Variants in INPP4B observed in about 807,000 individuals in gnomAD.
The protein encoded by INPP4B is inositol polyphosphate 4-phosphatase type II.
Under a neutral mutation model 122.5 loss-of-function variants are expected in INPP4B, and 55 were observed. The observed-to-expected ratio is 0.45, with a 90% CI of 0.36 to 0.56. INPP4B has a LOEUF of 0.56. INPP4B is among the 20% of genes least tolerant of loss of function. The pLI, the probability that INPP4B is intolerant of heterozygous loss-of-function variation, is 0.00. For synonymous variants in INPP4B, 403 were observed against 388.7 expected (o/e 1.04, Z -0.43); for missense variants, 1,000 against 1,097.7 (o/e 0.91, Z 1.26).
In INPP4B at chr4:142,187,731, C is replaced by T. The variant is rs1279856435; in HGVS notation, c.1181+5356G>A. 2.6e-5 allele frequency among the ~76,000 whole-genome samples: 4 copies of T among 151,968 alleles called. No individual in the cohort carries two copies. The South Asian group carries it at 8.3e-4, about 32-fold the overall frequency. On this transcript the variant is annotated intron_variant, in intron 15 of 25. Transcript: ENST00000262992. ...ACTTTAGTCTCCCAAGTTTCTGGAA[C>T]TAAAGGCACATACTACCAAGCCTGA...
At chr4:142,119,310 G>T (rs1390472430) in intron 21 of INPP4B, among the ~76,000 whole-genome samples, 3 of 152,130 alleles carry the variant, frequency 2.0e-5, no homozygotes, top group Non-Finnish European at 4.4e-5. Context: ...GTACCCAAAG[G>T]ATTATAAAAC....
intron 17 of INPP4B, 133 bp from the exon 18 acceptor site, chr4:142,146,129 A>C: frequency 1.0e-6 from 1 of 967,950 alleles, no homozygotes; most frequent in East Asian, 2.5e-5. Context: ...CTAAATTCCC[A>C]TTAATTTGGT....
chr4:142,380,790 AAAAT>A (rs1026491841), intron 7 of INPP4B, among the ~76,000 whole-genome samples: 1 of 152,034 alleles, frequency 6.6e-6, no homozygotes. Flanking sequence ...AATGTAAACA[AAAAT>A]AAACATACCT....
intron 15 of INPP4B, among the ~76,000 whole-genome samples, chr4:142,183,909 A>AT (rs879799349): frequency 5.3e-5 from 8 of 151,372 alleles, no homozygotes; most frequent in African/African-American, 1.2e-4. Flanking sequence ...CTTCTTGTTG[A>AT]TTTTTTTTTC....
chr4:142,564,124 A>C (rs1731069322), intron 2 of INPP4B, among the ~76,000 whole-genome samples: 1 of 152,196 alleles, frequency 6.6e-6, no homozygotes, highest in African/African-American at 2.4e-5. Flanking sequence ...TTATTAACCC[A>C]TTTTGCTAAA....
chr4:142,486,897 T>C (rs911272749), intron 2 of INPP4B, among the ~76,000 whole-genome samples: 1 of 152,226 alleles, frequency 6.6e-6, no homozygotes. Flanking sequence ...GACCACTATA[T>C]ACAGGTCTCT....
chr4:142,733,545 T>C, intron 1 of INPP4B, among the ~76,000 whole-genome samples: 1 of 152,128 alleles, frequency 6.6e-6, no homozygotes, highest in Non-Finnish European at 1.5e-5. Context: ...TTTATTAGTC[T>C]TTTGGAATGC....
rs1163637334 is a variant in INPP4B at position 142,025,711 on chromosome 4, A to C, written c.*3071T>G. 1.3e-5 allele frequency: 2 copies of C among 152,230 alleles called. No homozygotes were observed. Among genetic ancestry groups the C allele is most frequent in the Non-Finnish European group, 2.9e-5 (2 of 68,046 alleles). 9.4% of individuals were successfully genotyped at this position (152,230 alleles called of 1,614,324 possible). A position where few individuals can be genotyped will look rare whatever the true frequency, so the allele number is the denominator to read the frequency against. ...TCCTCCATCCAAATGCTAGCTTTTA[A>C]GCCTTCAGAGTTTTTCAGAAGAGGG... On this transcript the variant is annotated 3_prime_UTR_variant, in exon 26 of 26. Transcript: ENST00000262992.
At chr4:142,181,487 G>A (rs1478997891) in intron 15 of INPP4B, among the ~76,000 whole-genome samples, 6 of 152,094 alleles carry the variant, frequency 3.9e-5, no homozygotes, top group African/African-American at 1.4e-4. Flanking sequence ...TCACTGATAT[G>A]TCTAGATTGA....
chr4:142,122,449 T>C (rs1796942598), intron 20 of INPP4B, among the ~76,000 whole-genome samples: 1 of 152,116 alleles, frequency 6.6e-6, no homozygotes. Flanking sequence ...CAGAAGTCAA[T>C]CTACCCTTTG....
At chr4:142,674,271 G>T (rs1434160694) in intron 2 of INPP4B, among the ~76,000 whole-genome samples, 1 of 152,030 alleles carries the variant, frequency 6.6e-6, no homozygotes, top group Admixed American at 6.6e-5. Flanking sequence ...ATGTAAATCT[G>T]CTCAGAATCT....
chr4:142,431,210 G>C lies in INPP4B; in HGVS notation c.50C>G (p.Pro17Arg), dbSNP rs377182302. The change falls in exon 4 of 26, where the codon CCT (proline) becomes CGT (arginine). Residue 17 changes from proline (P) to arginine (R), a missense_variant. Coordinates refer to ENST00000262992, the MANE Select transcript of INPP4B (RefSeq NM_001101669.3). ...CCCGGGATCATTGGCCTGGGCTGTAGGAAGAAAGTGCTGCCCTTCTTCTGA... is the reference window on the plus strand; with the variant it reads ...CCCGGGATCATTGGCCTGGGCTGTACGAAGAAAGTGCTGCCCTTCTTCTGA... ...GASEEGQHFL[P>R]TAQANDPGDC... 1.9e-6 allele frequency: 3 copies of C among 1,613,222 alleles called. No homozygotes were observed. In the African/African-American group the frequency reaches 4.0e-5, roughly 22 times the overall value.
chr4:142,229,632 C>T (rs1282290624), intron 12 of INPP4B, among the ~76,000 whole-genome samples: 1 of 152,124 alleles, frequency 6.6e-6, no homozygotes, highest in African/African-American at 2.4e-5. Flanking sequence ...CAAGTGCAGG[C>T]ACCTCAAGAT....
chr4:142,842,912 T>C (rs867227824), intron 1 of INPP4B, among the ~76,000 whole-genome samples: 1 of 139,688 alleles, frequency 7.2e-6, no homozygotes, highest in South Asian at 2.1e-4. Context: ...TATAATAATA[T>C]ATATACTATA....
intron 7 of INPP4B, among the ~76,000 whole-genome samples, chr4:142,336,053 A>C (rs1206732782): frequency 6.6e-6 from 1 of 151,858 alleles, no homozygotes; most frequent in African/African-American, 2.4e-5. Context: ...TCCCATAAAA[A>C]CCCCAGACTC....
intron 2 of INPP4B, among the ~76,000 whole-genome samples, chr4:142,463,450 C>G (rs1003692778): frequency 1.3e-5 from 2 of 152,174 alleles, no homozygotes; most frequent in African/African-American, 2.4e-5. Flanking sequence ...TGTGACTCCA[C>G]TGGGAGAGGA....
At chr4:142,416,819 T>C (rs1263872650) in intron 5 of INPP4B, among the ~76,000 whole-genome samples, 1 of 152,160 alleles carries the variant, frequency 6.6e-6, no homozygotes, top group Non-Finnish European at 1.5e-5. Context: ...AGGGTGTCGA[T>C]TCTTCTGTCA....
chr4:142,233,558 C>A (rs956362483), intron 12 of INPP4B, among the ~76,000 whole-genome samples: 1 of 152,158 alleles, frequency 6.6e-6, no homozygotes, highest in South Asian at 2.1e-4. Context: ...AAGCACCTGT[C>A]ATTTTCATTA....
At chr4:142,242,537 C>T (rs1219385078) in intron 11 of INPP4B, among the ~76,000 whole-genome samples, 1 of 152,156 alleles carries the variant, frequency 6.6e-6, no homozygotes, top group Non-Finnish European at 1.5e-5. Flanking sequence ...AAGGATACAA[C>T]TTGTAAAGCT....
Sources: allele counts gnomAD v4.1 joint callset (sites outside exome capture counted in the v4.1 genomes callset), GRCh38; gene constraint gnomAD v4.1.1; transcripts MANE v1.5; gene names NCBI Gene and HGNC (gene_info 2026-07-23, HGNC 2026-07-21).